Variants in CHD1L observed in about 807,000 individuals in gnomAD.
The protein encoded by CHD1L is chromodomain helicase DNA binding protein 1 like.
Under a neutral mutation model 115.9 loss-of-function variants are expected in CHD1L, and 118 were observed. The observed-to-expected ratio is 1.02, with a 90% CI of 0.88 to 1.19. The LOEUF is 1.19. Ranked by LOEUF, CHD1L falls within the 50% of genes most tolerant of loss-of-function variation. The pLI, the probability that CHD1L is intolerant of heterozygous loss-of-function variation, is 0.00. For missense variants in CHD1L, 1,179 were observed against 1,065.3 expected, an observed-to-expected ratio of 1.11 and a Z score of -1.49; for synonymous variants, 411 against 387.1, an observed-to-expected ratio of 1.06 and a Z score of -0.72.
chr1:147,242,248 A>C (rs1368829736), upstream of CHD1L, among the ~76,000 whole-genome samples: 5 of 152,218 alleles, frequency 3.3e-5, no homozygotes, highest in African/African-American at 1.2e-4. Flanking sequence ...GACTAAATCA[A>C]TTTATCACTA....
intron 15 of CHD1L, among the ~76,000 whole-genome samples, chr1:147,281,856 A>C (rs1468178737): frequency 2.6e-5 from 4 of 152,262 alleles, no homozygotes; most frequent in African/African-American, 9.6e-5. Flanking sequence ...TATCATGTAC[A>C]ACATGATTTC....
chr1:147,268,647 T>C, intron 9 of CHD1L, 135 bp from the exon 10 acceptor site: 1 of 621,600 alleles, frequency 1.6e-6, no homozygotes, highest in African/African-American at 1.8e-5. Flanking sequence ...GTGTAATTGG[T>C]GTTAAGCAGG....
At chr1:147,179,300 A>G in the CHD1L span, 2 of 1,607,694 alleles carry the variant, frequency 1.2e-6, no homozygotes, top group Non-Finnish European at 1.7e-6. Flanking sequence ...GAAAATAAAG[A>G]TGTGCTGATT....
At chr1:147,218,129 T>C in the CHD1L span, among the ~76,000 whole-genome samples, 2 of 152,158 alleles carry the variant, frequency 1.3e-5, no homozygotes, top group Non-Finnish European at 2.9e-5. Context: ...TAATATAAAG[T>C]CAAATGCATA....
the CHD1L span, chr1:147,204,582 T>C: frequency 6.9e-6 from 11 of 1,590,978 alleles, no homozygotes; most frequent in African/African-American, 1.5e-4. Context: ...TCCTCAGAAG[T>C]TCTTCAGCTA....
rs782306437 is a variant in CHD1L at position 147,255,862 on chromosome 1, A to G, written c.397A>G (p.Arg133Gly). 6.8e-6 allele frequency: 11 copies of G among 1,613,818 alleles called. No individual in the cohort carries two copies. The highest frequency in any genetic ancestry group is 1.6e-4 in the Middle Eastern group (1 of 6,084). Residue 133 changes from arginine (R) to glycine (G), a missense_variant, in exon 4 of 23, where the codon AGA becomes GGA. By Grantham distance (125) the Arg-to-Gly change is moderately radical (BLOSUM62 -2). Coordinates refer to ENST00000369258, the MANE Select transcript of CHD1L (RefSeq NM_004284.6). The part of the protein sequence containing the change: ...CVTYAGDKEE[R>G]ACLQQDLKQE... ...AACATATGCAGGCGACAAGGAGGAAAGAGCCTGCCTTCAGCAAGACCTGAA... is the reference window on the plus strand; with the variant it reads ...AACATATGCAGGCGACAAGGAGGAAGGAGCCTGCCTTCAGCAAGACCTGAA...
chr1:147,285,533 CTATTG>C lies in CHD1L; in HGVS notation c.2018+50_2018+54del, dbSNP rs1682757700. 5 of 1,572,182 alleles carry C rather than the reference CTATTG, an allele frequency of 3.2e-6. No homozygotes were observed. In the Admixed American group the frequency reaches 9.5e-5, roughly 30 times the overall value. On this transcript the variant is annotated intron_variant, in intron 17 of 22. Transcript: ENST00000369258. ...CTGGCGGCCACAGTTGAAGGAGTCA[CTATTG>C]TATAGTGAGACCACAGTTGAATATC...
At chr1:147,227,060 C>T in the CHD1L span, among the ~76,000 whole-genome samples, 2 of 152,136 alleles carry the variant, frequency 1.3e-5, no homozygotes, top group Non-Finnish European at 2.9e-5. Context: ...AACTCCTGGG[C>T]TCAAGTGATC....
the CHD1L span, chr1:147,215,786 C>A: frequency 1.9e-6 from 3 of 1,610,310 alleles, no homozygotes; most frequent in Admixed American, 3.4e-5. Context: ...AGGTCAAATT[C>A]TTTGGCATAC....
At chr1:147,283,111 G>C (rs12565838) in intron 15 of CHD1L, among the ~76,000 whole-genome samples, 1 of 151,996 alleles carries the variant, frequency 6.6e-6, no homozygotes, top group Non-Finnish European at 1.5e-5. Flanking sequence ...AAAAAGCATG[G>C]TTGGAAGTTG....
chr1:147,285,308 C>G lies in CHD1L; in HGVS notation c.1855-16C>G, dbSNP rs782775617. ...AATCTTCTTGACCCTGGTGATGGAT[C>G]TTGTTCTTCCTCTAGGTTCTCATCC... On this transcript the variant is annotated splice_polypyrimidine_tract_variant and intron_variant, in intron 16 of 22. Coordinates refer to ENST00000369258, the MANE Select transcript of CHD1L (RefSeq NM_004284.6). The G allele has an allele frequency of 1.2e-6, 2 of 1,605,036 alleles. No homozygotes were observed. The highest frequency in any genetic ancestry group is 3.5e-5 in the Admixed American group (2 of 57,560).
intron 15 of CHD1L, among the ~76,000 whole-genome samples, chr1:147,282,060 T>C (rs1427259607): frequency 1.3e-5 from 2 of 152,208 alleles, no homozygotes; most frequent in East Asian, 3.9e-4. Context: ...TGGGGATCTC[T>C]TGTTCTCATC....
the CHD1L span, chr1:147,174,299 A>T: frequency 6.6e-6 from 1 of 152,188 alleles, no homozygotes. Context: ...ACCATAGGAC[A>T]CTGAAGCAAG....
chr1:147,256,833 G>A (rs368611210), intron 5 of CHD1L, among the ~76,000 whole-genome samples: 4 of 152,216 alleles, frequency 2.6e-5, no homozygotes, highest in East Asian at 1.9e-4. Context: ...TAGCTGTTAC[G>A]AAAATTAAAT....
the CHD1L span, among the ~76,000 whole-genome samples, chr1:147,185,497 A>G: frequency 6.6e-6 from 1 of 152,152 alleles, no homozygotes; most frequent in Non-Finnish European, 1.5e-5. Flanking sequence ...ACCAGTTCTC[A>G]GTTCTCTAAC....
intron 14 of CHD1L, among the ~76,000 whole-genome samples, chr1:147,278,944 A>G (rs1679731860): frequency 2.0e-5 from 3 of 152,306 alleles, no homozygotes; most frequent in Non-Finnish European, 2.9e-5. Flanking sequence ...ACACATTGCA[A>G]GTGAGCAATA....
the CHD1L span, among the ~76,000 whole-genome samples, chr1:147,234,307 C>T: frequency 6.6e-6 from 1 of 152,180 alleles, no homozygotes; most frequent in African/African-American, 2.4e-5. Flanking sequence ...TTTGACTCTA[C>T]CGGACTTTGT....
chr1:147,242,601 GCT>G (rs1665032355), upstream of CHD1L: 1 of 1,155,732 alleles, frequency 8.7e-7, no homozygotes. Context: ...GCGGCGCCTC[GCT>G]CGTAGGTGGG....
At chr1:147,221,801 CA>C in the CHD1L span, among the ~76,000 whole-genome samples, 1 of 152,206 alleles carries the variant, frequency 6.6e-6, no homozygotes, top group South Asian at 2.1e-4. Flanking sequence ...TCACTAACCA[CA>C]ACAAGTGTTA....
Sources: gnomAD v4.1 joint callset for allele counts (sites outside exome capture counted in the v4.1 genomes callset) on GRCh38, gnomAD v4.1.1 for gene constraint, MANE v1.5 for transcripts, NCBI Gene and HGNC (gene_info 2026-07-23, HGNC 2026-07-21) for gene names.